The following SKAP1 variants were observed in gnomAD, a reference collection of about 807,000 sequenced individuals.
The protein encoded by SKAP1 is src kinase associated phosphoprotein 1.
SKAP1 carries 44 observed loss-of-function variants against 58.5 expected under a neutral mutation model. The ratio of observed to expected loss-of-function variants is 0.75; its 90% CI spans 0.59 to 0.97. SKAP1 has a LOEUF of 0.97. Among genes scored for constraint, SKAP1 ranks in the 50% least tolerant of loss-of-function variants. The pLI is 0.00. For synonymous variants in SKAP1, 127 were observed against 149.7 expected (o/e 0.85, Z 1.11); for missense variants, 390 against 435.2 (o/e 0.90, Z 0.92).
chr17:48,235,353 G>T (rs2065168611), intron 4 of SKAP1, among the ~76,000 whole-genome samples: 1 of 152,138 alleles, frequency 6.6e-6, no homozygotes, highest in Admixed American at 6.5e-5. Context: ...CATCACCATG[G>T]TTGAAGGTCC....
intron 4 of SKAP1, among the ~76,000 whole-genome samples, chr17:48,262,249 C>T (rs964570301): frequency 2.0e-5 from 3 of 152,128 alleles, no homozygotes; most frequent in Non-Finnish European, 2.9e-5. Context: ...AGTCCAAGTT[C>T]GGCCTCAAAC....
At chr17:48,248,895 T>G (rs992305171) in intron 4 of SKAP1, 1 of 152,046 alleles carries the variant, frequency 6.6e-6, no homozygotes, top group African/African-American at 2.4e-5. Flanking sequence ...ACCCCAAGTT[T>G]AGATAAGAAC....
At chr17:48,383,581 T>C (rs2067243371) in intron 2 of SKAP1, among the ~76,000 whole-genome samples, 1 of 152,208 alleles carries the variant, frequency 6.6e-6, no homozygotes, top group South Asian at 2.1e-4. Context: ...GACAGCTGTT[T>C]ATTTGCACAG....
chr17:48,405,410 TTTC>T (rs2067560249), intron 1 of SKAP1, among the ~76,000 whole-genome samples: 1 of 72,780 alleles, frequency 1.4e-5, no homozygotes, highest in South Asian at 4.4e-4. Context: ...TCTTTCTTTC[TTTC>T]TTTCTTTCTT....
At chr17:48,431,584 G>A (rs2067916257), upstream of SKAP1, among the ~76,000 whole-genome samples, 1 of 152,200 alleles carries the variant, frequency 6.6e-6, no homozygotes, top group Non-Finnish European at 1.5e-5. Context: ...GAATAGGAAT[G>A]TTGAACTTAA....
intron 4 of SKAP1, among the ~76,000 whole-genome samples, chr17:48,314,833 G>GA (rs1167977838): frequency 2.0e-5 from 3 of 152,190 alleles, no homozygotes; most frequent in African/African-American, 7.2e-5. Context: ...GTGTAACCAC[G>GA]AAAGTACAGA....
At chr17:48,400,272 T>C (rs1377383523) in intron 1 of SKAP1, among the ~76,000 whole-genome samples, 1 of 151,922 alleles carries the variant, frequency 6.6e-6, no homozygotes. Context: ...CTAATTTTTG[T>C]ATTTTTAGTA....
chr17:48,232,520 T>G (rs2065136731), intron 4 of SKAP1, among the ~76,000 whole-genome samples: 1 of 152,210 alleles, frequency 6.6e-6, no homozygotes, highest in Admixed American at 6.5e-5. Flanking sequence ...AAGGTTCCAT[T>G]GTGTATTTTA....
intron 2 of SKAP1, among the ~76,000 whole-genome samples, chr17:48,386,416 T>C (rs2067277451): frequency 2.0e-5 from 3 of 151,678 alleles, no homozygotes; most frequent in South Asian, 2.1e-4. Context: ...AAAATGAATC[T>C]GATGTGTGAA....
chr17:48,374,690 T>G (rs985025317), intron 2 of SKAP1, among the ~76,000 whole-genome samples: 1 of 152,248 alleles, frequency 6.6e-6, no homozygotes, highest in African/African-American at 2.4e-5. Flanking sequence ...ATATTTCCTA[T>G]AATTCTTTTT....
chr17:48,150,437 C>T (rs1174762017), intron 11 of SKAP1, among the ~76,000 whole-genome samples: 1 of 152,120 alleles, frequency 6.6e-6, no homozygotes, highest in African/African-American at 2.4e-5. Context: ...TAGAGACCCC[C>T]TTGGTTACAA....
chr17:48,419,154 G>C (rs1747656472), intron 1 of SKAP1, among the ~76,000 whole-genome samples: 1 of 152,044 alleles, frequency 6.6e-6, no homozygotes, highest in South Asian at 2.1e-4. Context: ...ACATTAGGCT[G>C]TTGCAAAAGT....
intron 2 of SKAP1, chr17:48,382,350 A>T (rs1416906457): frequency 1.3e-5 from 2 of 152,212 alleles, no homozygotes; most frequent in East Asian, 1.9e-4. Context: ...GTATAATTTT[A>T]AAAAACCCAC....
chr17:48,262,586 T>C (rs949851410), intron 4 of SKAP1, among the ~76,000 whole-genome samples: 4 of 152,230 alleles, frequency 2.6e-5, no homozygotes, highest in Admixed American at 1.3e-4. Context: ...ACAATGTATA[T>C]TGTAATCTCA....
intron 10 of SKAP1, among the ~76,000 whole-genome samples, chr17:48,164,350 A>G (rs934248499): frequency 6.6e-6 from 1 of 152,238 alleles, no homozygotes; most frequent in African/African-American, 2.4e-5. Context: ...TTCTAAAACC[A>G]TAACAATATT....
the SKAP1 span, among the ~76,000 whole-genome samples, chr17:48,437,878 C>A: frequency 6.6e-6 from 1 of 152,114 alleles, no homozygotes; most frequent in Non-Finnish European, 1.5e-5. Flanking sequence ...ACTAGTCTTA[C>A]CTCCTCGCAG....
intron 8 of SKAP1, among the ~76,000 whole-genome samples, chr17:48,181,889 T>A (rs918690999): frequency 6.6e-6 from 1 of 152,176 alleles, no homozygotes; most frequent in Admixed American, 6.5e-5. Flanking sequence ...ACTCTTCCCA[T>A]CCCAAAGCAA....
chr17:48,220,487 G>A (rs566138633), intron 4 of SKAP1, among the ~76,000 whole-genome samples: 2 of 152,274 alleles, frequency 1.3e-5, no homozygotes, highest in East Asian at 3.9e-4. Context: ...TGAAGTTCAA[G>A]TATAGGCAAA....
intron 4 of SKAP1, among the ~76,000 whole-genome samples, chr17:48,285,593 T>A (rs987888564): frequency 2.8e-5 from 4 of 144,118 alleles, no homozygotes; most frequent in Non-Finnish European, 4.5e-5. Flanking sequence ...CCAGCTTGGG[T>A]GACAGAGCAA....
Sources: allele counts gnomAD v4.1 joint callset (sites outside exome capture counted in the v4.1 genomes callset), GRCh38; gene constraint gnomAD v4.1.1; transcripts MANE v1.5; gene names NCBI Gene and HGNC (gene_info 2026-07-23, HGNC 2026-07-21).